The following GPC5 variants were observed in gnomAD, a reference collection of about 807,000 sequenced individuals.
GPC5 encodes the protein glypican-5.
A neutral mutation model predicts 53.9 loss-of-function variants in GPC5; 47 were observed. The ratio of observed to expected loss-of-function variants is 0.87; its 90% confidence interval spans 0.69 to 1.11. The LOEUF is 1.11. Ranked by LOEUF, GPC5 falls within the 50% of genes most tolerant of loss-of-function variation. The probability of loss-of-function intolerance (pLI) is 0.00; values close to 1 mark genes in which losing one functional copy is unlikely to be tolerated. For synonymous variants in GPC5, 286 were observed against 263.3 expected, an observed-to-expected ratio of 1.09 and a Z score of -0.84; for missense variants, 748 against 713.1, an observed-to-expected ratio of 1.05 and a Z score of -0.56.
chr13:92,130,038 AAAAC>A (rs1348418808), intron 6 of GPC5, among the ~76,000 whole-genome samples: 7 of 152,150 alleles, frequency 4.6e-5, no homozygotes, highest in African/African-American at 1.7e-4. Flanking sequence ...CTGCTGAACT[AAAAC>A]AAAAGCCTCA....
chr13:92,559,048 C>G (rs1882601902), intron 7 of GPC5, among the ~76,000 whole-genome samples: 1 of 151,928 alleles, frequency 6.6e-6, no homozygotes, highest in Admixed American at 6.6e-5. Flanking sequence ...AGGACCTCCT[C>G]TTTCAAATCC....
At chr13:92,841,880 T>C (rs1344393302) in intron 7 of GPC5, among the ~76,000 whole-genome samples, 1 of 152,126 alleles carries the variant, frequency 6.6e-6, no homozygotes, top group Admixed American at 6.6e-5. Context: ...ATCCCAGTGG[T>C]ATTGCTTGAC....
chr13:92,679,499 G>T (rs1887049802), intron 7 of GPC5, among the ~76,000 whole-genome samples: 1 of 152,156 alleles, frequency 6.6e-6, no homozygotes, highest in Non-Finnish European at 1.5e-5. Context: ...ATGAAGTCAT[G>T]CTGACTTGTA....
chr13:92,002,140 AAATCTGATTTGGTTGCT>A (rs1382021707), intron 6 of GPC5, among the ~76,000 whole-genome samples: 6 of 56,864 alleles, frequency 1.1e-4, no homozygotes, highest in East Asian at 6.8e-4. Flanking sequence ...CAACTGACAA[AAATCTGATTTGGTTGCT>A]CTGAAGGACT....
At chr13:91,866,687 C>G (rs1453874654) in intron 5 of GPC5, among the ~76,000 whole-genome samples, 4 of 152,138 alleles carry the variant, frequency 2.6e-5, no homozygotes, top group Non-Finnish European at 5.9e-5. Context: ...ATAAATTACC[C>G]GGTCCCAGGT....
chr13:91,701,778 A>G lies in GPC5; in HGVS notation c.1020+7897A>G, dbSNP rs927355246. 4.6e-5 allele frequency among the ~76,000 whole-genome samples: 7 copies of G among 152,208 alleles called. No individual in the cohort carries two copies. The East Asian group carries it at 1.4e-3, about 29-fold the overall frequency. On this transcript the variant is annotated intron_variant, in intron 3 of 7. Coordinates refer to ENST00000377067, the MANE Select transcript of GPC5 (RefSeq NM_004466.6). ...ACATGGGAGTTCAGACATCTCTTCC[A>G]CATACTGATTTCATATCTTTTCGAT...
chr13:92,538,591 TC>T, intron 7 of GPC5, among the ~76,000 whole-genome samples: 1 of 147,532 alleles, frequency 6.8e-6, no homozygotes, highest in Middle Eastern at 3.4e-3. Flanking sequence ...TAGGTATTTC[TC>T]CTAATGCTAT....
intron 7 of GPC5, among the ~76,000 whole-genome samples, chr13:92,400,073 G>A (rs184812325): frequency 2.6e-5 from 4 of 152,116 alleles, no homozygotes; most frequent in Admixed American, 6.5e-5. Context: ...ATTTTTCTTC[G>A]TGAATTGCCT....
intron 2 of GPC5, among the ~76,000 whole-genome samples, chr13:91,456,974 G>C (rs1881604330): frequency 6.6e-6 from 1 of 151,874 alleles, no homozygotes; most frequent in Non-Finnish European, 1.5e-5. Context: ...GAAAGACAAA[G>C]ACTGAGGGAG....
chr13:92,538,684 C>T (rs1421387505), intron 7 of GPC5, among the ~76,000 whole-genome samples: 3 of 141,334 alleles, frequency 2.1e-5, no homozygotes, highest in Non-Finnish European at 3.0e-5. Context: ...CATTGTTCAA[C>T]TCCCACTTAT....
At chr13:91,807,070 T>A (rs1452918428) in intron 5 of GPC5, among the ~76,000 whole-genome samples, 2 of 152,096 alleles carry the variant, frequency 1.3e-5, no homozygotes, top group African/African-American at 2.4e-5. Flanking sequence ...CCAACTAATA[T>A]CAGATTCACT....
intron 2 of GPC5, among the ~76,000 whole-genome samples, chr13:91,508,995 TCAAATC>T (rs978079524): frequency 1.3e-5 from 2 of 152,100 alleles, no homozygotes; most frequent in African/African-American, 2.4e-5. Context: ...CATAAGATAA[TCAAATC>T]CAAATGTGTC....
At chr13:92,451,774 A>T (rs1174724034) in intron 7 of GPC5, among the ~76,000 whole-genome samples, 5 of 152,190 alleles carry the variant, frequency 3.3e-5, no homozygotes, top group African/African-American at 9.6e-5. Context: ...ACACTTTAGA[A>T]TTGCTGCAAA....
rs191310080 is a variant in GPC5 at position 92,019,229 on chromosome 13, A to T, written c.1401+111172A>T. Among the ~76,000 whole-genome samples the T allele has an allele frequency of 1.0e-3, 153 of 151,246 alleles. 1 individual carries two copies. The highest frequency in any genetic ancestry group is 3.6e-3 in the African/African-American group (147 of 41,402). ...TCTCTCTATATATATTAAGCTCTAT[A>T]TATTATAGCTTAATATATAAGTATG... On this transcript the variant is annotated intron_variant, in intron 6 of 7. Transcript: ENST00000377067.
rs561381607 is a variant in GPC5 at position 91,957,851 on chromosome 13, T to A, written c.1401+49794T>A. Reference sequence around the variant, plus strand: ...CTACCATCATAAAAACACATGAAAATTTAAACCCCCGGTTAGAGCAAACAT... The same window carrying A: ...CTACCATCATAAAAACACATGAAAAATTAAACCCCCGGTTAGAGCAAACAT... On this transcript the variant is annotated intron_variant, in intron 6 of 7. Transcript: ENST00000377067. 1.5e-3 allele frequency among the ~76,000 whole-genome samples: 229 copies of A among 151,566 alleles called. 1 individual carries two copies. The Middle Eastern group carries it at 0.051, about 34-fold the overall frequency.
intron 7 of GPC5, among the ~76,000 whole-genome samples, chr13:92,726,376 T>A (rs1384126448): frequency 6.6e-6 from 1 of 151,512 alleles, no homozygotes; most frequent in Admixed American, 6.6e-5. Flanking sequence ...CTGTACTATT[T>A]TTTTGTGTTT....
intron 6 of GPC5, among the ~76,000 whole-genome samples, chr13:91,996,708 C>T (rs558156816): frequency 6.6e-6 from 1 of 152,272 alleles, no homozygotes; most frequent in East Asian, 1.9e-4. Context: ...GCTAATTCTG[C>T]TCTTACTTCT....
intron 2 of GPC5, among the ~76,000 whole-genome samples, chr13:91,515,606 T>G (rs1885456926): frequency 1.3e-5 from 2 of 152,220 alleles, no homozygotes; most frequent in African/African-American, 4.8e-5. Context: ...AAAATACCTT[T>G]CTATGGTACA....
intron 7 of GPC5, among the ~76,000 whole-genome samples, chr13:92,540,094 G>C (rs1218793142): frequency 6.6e-6 from 1 of 151,748 alleles, no homozygotes; most frequent in East Asian, 1.9e-4. Flanking sequence ...AGATGTTGGG[G>C]CCTTTCCACA....
Sources: allele counts gnomAD v4.1 joint callset (sites outside exome capture counted in the v4.1 genomes callset), GRCh38; gene constraint gnomAD v4.1.1; transcripts MANE v1.5; gene names NCBI Gene and HGNC (gene_info 2026-07-23, HGNC 2026-07-21).